The following SGCZ variants were observed in gnomAD, a reference collection of about 807,000 sequenced individuals.
SGCZ encodes zeta-sarcoglycan.
Under a neutral mutation model 41.3 loss-of-function variants are expected in SGCZ, and 40 were observed. The ratio of observed to expected loss-of-function variants is 0.97; its 90% CI spans 0.75 to 1.26. The LOEUF is 1.26. Ranked by LOEUF, SGCZ falls within the 50% of genes most tolerant of loss-of-function variation. The pLI, the probability that SGCZ is intolerant of heterozygous loss-of-function variation, is 0.00. For missense variants in SGCZ, 552 were observed against 369.8 expected (o/e 1.49, Z -4.04); for synonymous variants, 206 against 137.5 (o/e 1.50, Z -3.49).
intron 5 of SGCZ, among the ~76,000 whole-genome samples, chr8:14,108,675 G>A (rs1007405123): frequency 1.3e-5 from 2 of 152,118 alleles, no homozygotes; most frequent in Non-Finnish European, 2.9e-5. Context: ...AATTCTAGAT[G>A]AGATTTGAGA....
rs67046431 is a variant in SGCZ at position 14,407,065 on chromosome 8, CTTT to C, written c.235-82864_235-82862del. Among the ~76,000 whole-genome samples the C allele has an allele frequency of 5.3e-4, 46 of 87,174 alleles. No homozygotes were observed. The East Asian group carries it at 6.9e-3, about 13-fold the overall frequency. 57.2% of individuals were successfully genotyped at this position (87,174 alleles called of 152,430 possible). The stretch of plus-strand genomic sequence containing the variant: ...CAAATTCTATAAGTTATGAGTTTTC[CTTT>C]TTTTTTTTTTTTTTTTTTTGAGATG... On this transcript the variant is annotated intron_variant, in intron 2 of 7. Transcript: ENST00000382080.
intron 3 of SGCZ, among the ~76,000 whole-genome samples, chr8:14,256,945 C>A (rs959403156): frequency 2.0e-5 from 3 of 152,132 alleles, no homozygotes; most frequent in African/African-American, 7.2e-5. Context: ...ATAGAGTATT[C>A]ATTTGTTAAT....
chr8:14,699,888 T>C (rs1273714917), intron 1 of SGCZ, among the ~76,000 whole-genome samples: 1 of 151,872 alleles, frequency 6.6e-6, no homozygotes, highest in Non-Finnish European at 1.5e-5. Context: ...GAAATGCAAA[T>C]CAAAACTACA....
intron 1 of SGCZ, among the ~76,000 whole-genome samples, chr8:14,833,284 G>A (rs1802592094): frequency 6.6e-6 from 1 of 152,056 alleles, no homozygotes; most frequent in South Asian, 2.1e-4. Flanking sequence ...CCTACAGAGA[G>A]TCATATGTGA....
At chr8:14,169,413 C>T (rs940411360) in intron 4 of SGCZ, among the ~76,000 whole-genome samples, 1 of 152,176 alleles carries the variant, frequency 6.6e-6, no homozygotes, top group East Asian at 1.9e-4. Context: ...GGCATTATCT[C>T]GTCAGTATTA....
At chr8:14,629,187 A>G (rs192131762) in intron 1 of SGCZ, among the ~76,000 whole-genome samples, 1 of 152,256 alleles carries the variant, frequency 6.6e-6, no homozygotes, top group African/African-American at 2.4e-5. Flanking sequence ...TGTTCCAGAT[A>G]TATGGCAGCC....
At chr8:14,494,135 T>C (rs1019414027) in intron 2 of SGCZ, among the ~76,000 whole-genome samples, 4 of 152,194 alleles carry the variant, frequency 2.6e-5, no homozygotes, top group African/African-American at 7.2e-5. Context: ...CAACTCACTG[T>C]TTCTATGAAA....
intron 1 of SGCZ, among the ~76,000 whole-genome samples, chr8:14,920,002 A>T (rs1799545572): frequency 6.6e-6 from 1 of 152,172 alleles, no homozygotes; most frequent in Non-Finnish European, 1.5e-5. Flanking sequence ...ATGCAGGCTC[A>T]CCATACTCCT....
chr8:14,928,875 C>G (rs951142615), intron 1 of SGCZ, among the ~76,000 whole-genome samples: 3 of 152,034 alleles, frequency 2.0e-5, no homozygotes, highest in Non-Finnish European at 2.9e-5. Flanking sequence ...GATAATGTGC[C>G]TATTATACCA....
intron 2 of SGCZ, among the ~76,000 whole-genome samples, chr8:14,395,551 C>G (rs768525156): frequency 8.9e-4 from 136 of 152,180 alleles, no homozygotes; most frequent in Non-Finnish European, 5.1e-4. Context: ...TACGGCTACT[C>G]TAAACAAGAA....
intron 5 of SGCZ, among the ~76,000 whole-genome samples, chr8:14,113,338 T>G (rs1230871571): frequency 6.6e-6 from 1 of 152,146 alleles, no homozygotes; most frequent in Non-Finnish European, 1.5e-5. Flanking sequence ...TATTTAGGGT[T>G]TACTGCCTGT....
intron 3 of SGCZ, among the ~76,000 whole-genome samples, chr8:14,245,580 C>A (rs945751429): frequency 1.1e-4 from 16 of 152,146 alleles, no homozygotes; most frequent in Non-Finnish European, 1.9e-4. Context: ...GCAACAAAAG[C>A]CAAAATTGAC....
intron 1 of SGCZ, among the ~76,000 whole-genome samples, chr8:14,571,482 T>G (rs1020508628): frequency 6.6e-6 from 1 of 152,204 alleles, no homozygotes; most frequent in Admixed American, 6.5e-5. Context: ...TATCTGATTA[T>G]TCCTATTAAT....
chr8:14,368,372 T>A (rs1803790248), intron 2 of SGCZ, among the ~76,000 whole-genome samples: 1 of 152,026 alleles, frequency 6.6e-6, no homozygotes, highest in African/African-American at 2.4e-5. Context: ...TGCAGCCAGA[T>A]ATTGGAAAAT....
intron 3 of SGCZ, among the ~76,000 whole-genome samples, chr8:14,301,765 T>G (rs563348923): frequency 6.6e-6 from 1 of 152,296 alleles, no homozygotes; most frequent in African/African-American, 2.4e-5. Flanking sequence ...CTGACTTTAA[T>G]TTTTACTTAT....
intron 1 of SGCZ, among the ~76,000 whole-genome samples, chr8:14,915,036 T>A (rs2130782473): frequency 6.6e-6 from 1 of 152,290 alleles, no homozygotes; most frequent in East Asian, 1.9e-4. Flanking sequence ...CTTACCCCAG[T>A]AAAAATATTT....
At chr8:15,086,144 A>G (rs1254134133) in intron 1 of SGCZ, among the ~76,000 whole-genome samples, 1 of 152,204 alleles carries the variant, frequency 6.6e-6, no homozygotes, top group Non-Finnish European at 1.5e-5. Flanking sequence ...AAGAGTGGTA[A>G]ATTTAAAAGG....
intron 2 of SGCZ, among the ~76,000 whole-genome samples, chr8:14,485,527 T>C (rs993785342): frequency 1.3e-5 from 2 of 152,128 alleles, no homozygotes; most frequent in African/African-American, 4.8e-5. Flanking sequence ...TGAGCCACCA[T>C]GCCCAGCCAA....
chr8:14,156,689 T>C (rs890487415), intron 5 of SGCZ, among the ~76,000 whole-genome samples: 3 of 152,214 alleles, frequency 2.0e-5, no homozygotes, highest in African/African-American at 7.2e-5. Flanking sequence ...TCTTATTCTA[T>C]AAGCTTTTCC....
Sources: gnomAD v4.1 joint callset for allele counts (sites outside exome capture counted in the v4.1 genomes callset) on GRCh38, gnomAD v4.1.1 for gene constraint, MANE v1.5 for transcripts, NCBI Gene and HGNC (gene_info 2026-07-23, HGNC 2026-07-21) for gene names.